The following KIF26B variants were observed in gnomAD, a reference collection of about 807,000 sequenced individuals.
KIF26B encodes kinesin family member 26B.
In KIF26B, 63 loss-of-function variants were observed where a neutral mutation model predicts 151.2. The ratio of observed to expected loss-of-function variants is 0.42; its 90% CI spans 0.34 to 0.51. KIF26B has a LOEUF of 0.51. Ranked by LOEUF, KIF26B falls within the 20% of genes least tolerant of loss-of-function variation. The pLI is 0.07. For synonymous variants in KIF26B, 1,357 were observed against 1,262.1 expected (o/e 1.08, Z -1.59); for missense variants, 2,813 against 2,913.6 (o/e 0.97, Z 0.79).
rs561172917 is a variant in KIF26B, at chr1:245,382,798, C to T, written c.999+15431C>T. On this transcript the variant is annotated intron_variant, in intron 3 of 14. Transcript: ENST00000407071. ...GGTCAGGCTGGTCTTGAACTCCCGA[C>T]CTCAGGTGATCCACCCTCCTCGGCC... Among the ~76,000 whole-genome samples, 4 of 151,968 alleles carry T rather than the reference C, an allele frequency of 2.6e-5. No individual in the cohort carries two copies. In the East Asian group the frequency reaches 7.7e-4, roughly 29 times the overall value.
At chr1:245,277,819 G>A (rs772981967) in intron 2 of KIF26B, among the ~76,000 whole-genome samples, 16 of 152,220 alleles carry the variant, frequency 1.1e-4, no homozygotes, top group Middle Eastern at 6.8e-3. Context: ...CTGCAGGGAG[G>A]ATGGGGGTTG....
chr1:245,293,740 G>A (rs192449932), intron 2 of KIF26B, among the ~76,000 whole-genome samples: 240 of 152,070 alleles, frequency 1.6e-3, no homozygotes, highest in Non-Finnish European at 2.2e-3. Context: ...CACCATGCCC[G>A]GCTAATTTTG....
Position 245,688,071 on chromosome 1 carries a change from CG to C in KIF26B, c.5089del (p.Ala1697ArgfsTer39). ...SLSSVSSRLH[A>X]GKDGTMPRAG... ...TGTCCTCCGTGAGCTCCCGGCTGCACGCGGGCAAGGACGGCACCATGCCCCG... is the reference window on the plus strand; with the variant it reads ...TGTCCTCCGTGAGCTCCCGGCTGCACCGGGCAAGGACGGCACCATGCCCCG... On this transcript the variant is annotated frameshift_variant, in exon 12 of 15. Coordinates refer to ENST00000407071, the MANE Select transcript of KIF26B (RefSeq NM_018012.4). LOFTEE classifies it high-confidence loss of function. 1 of 1,552,776 alleles carries C rather than the reference CG, an allele frequency of 6.4e-7. No homozygotes were observed. Among genetic ancestry groups the C allele is most frequent in the Non-Finnish European group, 8.7e-7 (1 of 1,149,046 alleles).
chr1:245,692,710 A>G (rs1297603461), intron 12 of KIF26B, among the ~76,000 whole-genome samples: 1 of 152,240 alleles, frequency 6.6e-6, no homozygotes, highest in Non-Finnish European at 1.5e-5. Context: ...ACATAGTTCT[A>G]AAAGAATATC....
At chr1:245,614,927 CGG>C (rs2043571649) in intron 9 of KIF26B, 3 of 39,660 alleles carry the variant, frequency 7.6e-5, no homozygotes, top group Non-Finnish European at 9.5e-5. Flanking sequence ...CCTTTAAAAT[CGG>C]ATAGGGATGA....
chr1:245,644,355 T>C (rs1282751232), intron 9 of KIF26B, among the ~76,000 whole-genome samples: 1 of 152,212 alleles, frequency 6.6e-6, no homozygotes, highest in Non-Finnish European at 1.5e-5. Context: ...TTTAAATATA[T>C]ATTCCATGTT....
At chr1:245,383,663 G>A (rs559155103) in intron 3 of KIF26B, among the ~76,000 whole-genome samples, 1 of 152,300 alleles carries the variant, frequency 6.6e-6, no homozygotes, top group South Asian at 2.1e-4. Context: ...CTTAGAAGCA[G>A]CAGCCTCTTT....
chr1:245,504,146 A>G (rs1212065354), intron 4 of KIF26B, among the ~76,000 whole-genome samples: 1 of 152,176 alleles, frequency 6.6e-6, no homozygotes, highest in East Asian at 1.9e-4. Context: ...CAGCGTGGGA[A>G]GAGAGGAGGC....
chr1:245,209,355 C>G (rs568604389), intron 2 of KIF26B, among the ~76,000 whole-genome samples: 3 of 151,968 alleles, frequency 2.0e-5, no homozygotes, highest in African/African-American at 7.2e-5. Context: ...GAGCTGAGAT[C>G]ATGCCACTGC....
At chr1:245,156,140 T>G in intron 1 of KIF26B, 142 bp from the exon 2 acceptor site, 2 of 1,259,164 alleles carry the variant, frequency 1.6e-6, no homozygotes, top group Non-Finnish European at 2.1e-6. Context: ...GGAGGGCAAT[T>G]TGGCCGCAGG....
chr1:245,642,742 G>T (rs1433816648), intron 9 of KIF26B, among the ~76,000 whole-genome samples: 1 of 152,048 alleles, frequency 6.6e-6, no homozygotes, highest in African/African-American at 2.4e-5. Context: ...ATACTGAAGG[G>T]GTCAGTCTCA....
chr1:245,407,197 G>C (rs1262526707), intron 3 of KIF26B, among the ~76,000 whole-genome samples: 2 of 152,188 alleles, frequency 1.3e-5, no homozygotes, highest in Middle Eastern at 3.2e-3. Flanking sequence ...AGAGCTCTGA[G>C]TGTAGCTGAA....
intron 2 of KIF26B, among the ~76,000 whole-genome samples, chr1:245,217,740 C>G (rs894664088): frequency 6.6e-6 from 1 of 152,154 alleles, no homozygotes; most frequent in Admixed American, 6.6e-5. Flanking sequence ...CCGCCTTGCT[C>G]GCCAAGAGTC....
intron 10 of KIF26B, among the ~76,000 whole-genome samples, chr1:245,652,145 T>TGTGTGTGTGAGA (rs368258830): frequency 7.0e-6 from 1 of 142,658 alleles, no homozygotes. Flanking sequence ...TGTGTGTGTG[T>TGTGTGTGTGAGA]GAGAGAGACA....
chr1:245,418,542 A>G (rs1236931259), intron 3 of KIF26B, among the ~76,000 whole-genome samples: 1 of 152,214 alleles, frequency 6.6e-6, no homozygotes, highest in African/African-American at 2.4e-5. Context: ...TCGCTGGCCT[A>G]TTCAGTTACA....
chr1:245,459,895 A>G (rs980411760), intron 4 of KIF26B, among the ~76,000 whole-genome samples: 7 of 141,348 alleles, frequency 5.0e-5, no homozygotes, highest in Non-Finnish European at 1.1e-4. Flanking sequence ...CTCCTCATAA[A>G]CCTTTTTTTT....
In KIF26B at chr1:245,239,987, G is replaced by A. The variant is rs116154267; in HGVS notation, c.465+83304G>A. Among the ~76,000 whole-genome samples, 7,250 of 152,058 alleles carry A rather than the reference G, an allele frequency of 0.048. 245 individuals are homozygous for A. The highest frequency in any genetic ancestry group is 0.068 in the Non-Finnish European group (4,637 of 67,968). Reference sequence around the variant, plus strand: ...GGTCAGGAGTTTGAGACCAGCCTGGGAAACATGGAGAAACTCTATTAAAAA... The same window carrying A: ...GGTCAGGAGTTTGAGACCAGCCTGGAAAACATGGAGAAACTCTATTAAAAA... On this transcript the variant is annotated intron_variant, in intron 2 of 14. Coordinates refer to ENST00000407071, the MANE Select transcript of KIF26B (RefSeq NM_018012.4). The surrounding 1 kb of genome is among the most constrained non-coding windows in gnomAD (Gnocchi z 4.3).
chr1:245,271,567 G>T (rs1188631969), intron 2 of KIF26B, among the ~76,000 whole-genome samples: 6 of 148,632 alleles, frequency 4.0e-5, no homozygotes, highest in African/African-American at 1.5e-4. Context: ...AAAGGATGTT[G>T]AATTCAGTCA....
At position 245,227,441 on chromosome 1, in the gene KIF26B, G is replaced by A. The variant is rs142743658; in HGVS notation, c.465+70758G>A. On this transcript the variant is annotated intron_variant, in intron 2 of 14. Transcript: ENST00000407071. The surrounding 1 kb of genome is among the most constrained non-coding windows in gnomAD (Gnocchi z 4.1). ...TAAGGCTGCGGCCTCCGTCCTCTTC[G>A]CCATCATTGGCCTCTCTTGTTTCTT... Among the ~76,000 whole-genome samples, 13 of 152,270 alleles carry A rather than the reference G, an allele frequency of 8.5e-5. No individual in the cohort carries two copies. The highest frequency in any genetic ancestry group is 2.9e-4 in the African/African-American group (12 of 41,552).
Sources: allele counts gnomAD v4.1 joint callset (sites outside exome capture counted in the v4.1 genomes callset), GRCh38; gene constraint gnomAD v4.1.1; non-coding constraint Gnocchi (gnomAD v3.1); transcripts MANE v1.5; gene names NCBI Gene and HGNC (gene_info 2026-07-23, HGNC 2026-07-21).